Variants in CCDC88C observed in about 807,000 individuals in gnomAD.
The protein encoded by CCDC88C is coiled-coil and HOOK domain protein 88C, also known as protein Daple.
In CCDC88C, 131 loss-of-function variants were observed where a neutral mutation model predicts 198.8. That is an observed-to-expected ratio of 0.66 (90% CI 0.57 to 0.76). CCDC88C has a LOEUF of 0.76. CCDC88C is among the 30% of genes least tolerant of loss of function. The pLI, the probability that CCDC88C is intolerant of heterozygous loss-of-function variation, is 0.00. For synonymous variants in CCDC88C, 1,166 were observed against 1,114.7 expected (o/e 1.05, Z -0.92); for missense variants, 2,553 against 2,631.6 (o/e 0.97, Z 0.65).
At chr14:91,309,367 C>T (rs1431569222) in intron 16 of CCDC88C, among the ~76,000 whole-genome samples, 3 of 152,124 alleles carry the variant, frequency 2.0e-5, no homozygotes, top group African/African-American at 7.2e-5. Context: ...TTTTGGGAGG[C>T]TGAGGTGGGC....
At chr14:91,382,077 G>A (rs969936307) in intron 3 of CCDC88C, among the ~76,000 whole-genome samples, 1 of 151,974 alleles carries the variant, frequency 6.6e-6, no homozygotes, top group African/African-American at 2.4e-5. Flanking sequence ...TTAAGTTTCA[G>A]ACCCGCCATT....
At chr14:91,353,706 C>T (rs1262005122) in intron 4 of CCDC88C, among the ~76,000 whole-genome samples, 1 of 152,234 alleles carries the variant, frequency 6.6e-6, no homozygotes, top group Non-Finnish European at 1.5e-5. Flanking sequence ...AACCTTGTCT[C>T]TTCAGGGTGC....
intron 4 of CCDC88C, among the ~76,000 whole-genome samples, chr14:91,345,186 ATATAT>A (rs1227079211): frequency 1.4e-5 from 1 of 72,482 alleles, no homozygotes; most frequent in Non-Finnish European, 2.7e-5. Context: ...ATATATATAT[ATATAT>A]TTTTTTTTTT....
intron 4 of CCDC88C, among the ~76,000 whole-genome samples, chr14:91,345,190 A>ATATTTTTTTTTT (rs1246878587): frequency 5.7e-5 from 3 of 52,200 alleles, no homozygotes; most frequent in African/African-American, 2.4e-4. Flanking sequence ...ATATATATAT[A>ATATTTTTTTTTT]TTTTTTTTTT....
chr14:91,298,700 C>T (rs759975926), intron 21 of CCDC88C, among the ~76,000 whole-genome samples: 15 of 152,194 alleles, frequency 9.9e-5, no homozygotes, highest in Admixed American at 4.6e-4. Context: ...CCCTTTTAGA[C>T]GATGTGCATT....
chr14:91,313,895 G>A lies in CCDC88C; in HGVS notation c.1921C>T (p.Gln641Ter). 1 of 1,610,188 alleles carries A rather than the reference G, an allele frequency of 6.2e-7. No individual in the cohort carries two copies. The highest frequency in any genetic ancestry group is 8.5e-7 in the Non-Finnish European group (1 of 1,179,192). Reference sequence around the variant, plus strand: ...CTGGCCAGCCTCCCGTTCTCCTCCTGGAGTCGCTGTAGCTCCCTCTCCAGC... The same window carrying A: ...CTGGCCAGCCTCCCGTTCTCCTCCTAGAGTCGCTGTAGCTCCCTCTCCAGC... ...EKLERELQRL[Q>*]EENGRLARKV... The change falls in exon 15 of 30, where the codon CAG becomes TAG. Residue 641 changes from glutamine (Q) to a stop codon, truncating the protein, a stop_gained. Coordinates refer to ENST00000389857, the MANE Select transcript of CCDC88C (RefSeq NM_001080414.4). LOFTEE classifies it high-confidence loss of function. The surrounding 1 kb of genome is among the most constrained non-coding windows in gnomAD (Gnocchi z 5.2).
At position 91,299,949 on chromosome 14, in the gene CCDC88C, T is replaced by C. The variant is rs1264916189; in HGVS notation, c.3757A>G (p.Arg1253Gly). The change falls in exon 21 of 30, where the codon AGG (arginine) becomes GGG (glycine). Residue 1253 changes from arginine to glycine, a missense_variant. Arg to Gly is a moderately radical substitution (Grantham distance 125). Transcript: ENST00000389857. ...TNALAMGENQ[R>G]LRGELDRVNF... ...CACCTGTCCAGCTCGCCCCGCAGCC[T>C]CTGGTTCTCGCCCATGGCGAGGGCG... 1.3e-6 allele frequency: 2 copies of C among 1,591,080 alleles called. No individual in the cohort carries two copies. The highest frequency in any genetic ancestry group is 1.7e-5 in the Admixed American group (1 of 57,164).
chr14:91,413,858 C>T (rs767711623), intron 2 of CCDC88C, among the ~76,000 whole-genome samples: 4 of 152,196 alleles, frequency 2.6e-5, no homozygotes, highest in Admixed American at 6.5e-5. Flanking sequence ...CTGCTCAACG[C>T]GATTTCTTCA....
At position 91,313,093 on chromosome 14, in the gene CCDC88C, G is replaced by T. The variant is rs1276987293; in HGVS notation, c.2723C>A (p.Thr908Lys). 6 of 1,586,266 alleles carry T rather than the reference G, an allele frequency of 3.8e-6. No homozygotes were observed. The highest frequency in any genetic ancestry group is 5.2e-6 in the Non-Finnish European group (6 of 1,163,338). ...GTGTTTGCTCACCTCCCTCAGAGTT[G>T]TCAGTGTCCTTGCATGCACGGTGAC... ...KQVTVHARTLTTLREDLVLEK... is the reference protein window; with the variant it reads ...KQVTVHARTLKTLREDLVLEK... The change falls in exon 15 of 30, where the codon ACA becomes AAA. Residue 908 changes from threonine (T) to lysine (K), a missense_variant. This residue lies in a region of CCDC88C where 1,260 missense variants were observed against 1,412.0 expected (regional missense o/e 0.89). Coordinates refer to ENST00000389857, the MANE Select transcript of CCDC88C (RefSeq NM_001080414.4). This position sits in a 1 kb window ranked among gnomAD's most constrained non-coding sequence, Gnocchi z 5.2.
At position 91,284,473 on chromosome 14, in the gene CCDC88C, G is replaced by T. The variant is rs559867917; in HGVS notation, c.4442-956C>A. On this transcript the variant is annotated intron_variant, in intron 25 of 29. Transcript: ENST00000389857. The surrounding 1 kb of genome is among the most constrained non-coding windows in gnomAD (Gnocchi z 4.1). ...AAGTCTGCCTGAATCGGGACAGGTG[G>T]AATGAATCGGGACAGGTCATCCTAC... Among the ~76,000 whole-genome samples the T allele has an allele frequency of 6.6e-6, 1 of 152,228 alleles. No individual in the cohort carries two copies. Among genetic ancestry groups the T allele is most frequent in the Non-Finnish European group, 1.5e-5 (1 of 68,040 alleles).
intron 20 of CCDC88C, 64 bp downstream of exon 20, chr14:91,303,637 C>G: frequency 6.8e-7 from 1 of 1,470,984 alleles, no homozygotes; most frequent in Non-Finnish European, 9.1e-7. Flanking sequence ...ACCTTTCCCC[C>G]TGGGCCCAGC....
At chr14:91,285,934 A>C (rs1456869945) in intron 25 of CCDC88C, 1 of 661,494 alleles carries the variant, frequency 1.5e-6, no homozygotes, top group African/African-American at 1.9e-5. Flanking sequence ...AAATTAGCTA[A>C]ATGTACTTAA....
At chr14:91,308,547 C>T (rs1393177087) in intron 16 of CCDC88C, 55 bp from the exon 17 acceptor site, 2 of 1,562,094 alleles carry the variant, frequency 1.3e-6, no homozygotes, top group African/African-American at 1.4e-5. Flanking sequence ...TCCGCAAGTT[C>T]CCAGTGTCCT....
chr14:91,355,783 G>C, intron 4 of CCDC88C, among the ~76,000 whole-genome samples: 1 of 152,110 alleles, frequency 6.6e-6, no homozygotes, highest in East Asian at 1.9e-4. Flanking sequence ...GTAAGTTGTG[G>C]CACCTCCCTT....
In CCDC88C at chr14:91,278,168, G is replaced by A. The variant is rs1441349760; in HGVS notation, c.4812C>T (p.Ser1604=). 12 of 1,611,496 alleles carry A rather than the reference G, an allele frequency of 7.4e-6. No individual in the cohort carries two copies. The highest frequency in any genetic ancestry group is 1.7e-5 in the Admixed American group (1 of 59,970). Residue 1604 remains serine (S), a synonymous_variant, in exon 29 of 30, where the codon AGC becomes AGT. Transcript: ENST00000389857. ...QLHGRSESFS[S]EDLIPSRDLA... ...GGTCCCTGCTGGGGATCAGGTCTTC[G>A]CTGCTGAAGCTCTCAGACCGGCCAT... is the stretch of plus-strand genomic sequence containing the variant.
At chr14:91,312,684 AAAATAAAT>A (rs758408630) in intron 15 of CCDC88C, among the ~76,000 whole-genome samples, 2 of 152,344 alleles carry the variant, frequency 1.3e-5, no homozygotes, top group East Asian at 3.9e-4. Flanking sequence ...CTCCGTCTCA[AAAATAAAT>A]AAATAAATAC....
Position 91,339,232 on chromosome 14 carries a change from A to G in CCDC88C, c.809+46T>C. 15 of 1,602,586 alleles carry G rather than the reference A, an allele frequency of 9.4e-6. No homozygotes were observed. The highest frequency in any genetic ancestry group is 1.3e-5 in the Non-Finnish European group (15 of 1,173,898). ...TGTGAGTCGACACCACACCAGAAAC[A>G]TGTCTGCAACACACACAAAGGTAGG... On this transcript the variant is annotated intron_variant, in intron 8 of 29. Transcript: ENST00000389857. The surrounding 1 kb of genome is among the most constrained non-coding windows in gnomAD (Gnocchi z 5.8).
chr14:91,310,307 G>A (rs776593887), intron 15 of CCDC88C, among the ~76,000 whole-genome samples: 7 of 152,028 alleles, frequency 4.6e-5, no homozygotes, highest in Non-Finnish European at 8.8e-5. Context: ...TGATAATATG[G>A]CTGACTTTTC....
chr14:91,282,887 C>A (rs1406061217), intron 26 of CCDC88C, among the ~76,000 whole-genome samples: 1 of 152,152 alleles, frequency 6.6e-6, no homozygotes, highest in Non-Finnish European at 1.5e-5. Flanking sequence ...CATGATGAGA[C>A]CACATATCTA....
Sources: allele counts gnomAD v4.1 joint callset (sites outside exome capture counted in the v4.1 genomes callset), GRCh38; gene constraint gnomAD v4.1.1; regional missense constraint gnomAD v4.1.1; non-coding constraint Gnocchi (gnomAD v3.1); transcripts MANE v1.5; gene names NCBI Gene and HGNC (gene_info 2026-07-23, HGNC 2026-07-21).